IFT74: variants seen among roughly 807,000 people sequenced by gnomAD.
IFT74 encodes intraflagellar transport protein 74 homolog.
Under a neutral mutation model 96.7 loss-of-function variants are expected in IFT74, and 92 were observed. The ratio of observed to expected loss-of-function variants is 0.95; its 90% confidence interval spans 0.80 to 1.13. The LOEUF (loss-of-function observed/expected upper bound fraction) is 1.13. Ranked by LOEUF, IFT74 falls within the 50% of genes most tolerant of loss-of-function variation. The pLI, the probability that IFT74 is intolerant of heterozygous loss-of-function variation, is 0.00. For synonymous variants in IFT74, 223 were observed against 213.2 expected (o/e 1.05, Z -0.40); for missense variants, 811 against 698.2 (o/e 1.16, Z -1.82).
At chr9:26,955,522 C>A (rs1052421022), upstream of IFT74, among the ~76,000 whole-genome samples, 1 of 151,926 alleles carries the variant, frequency 6.6e-6, no homozygotes, top group Non-Finnish European at 1.5e-5. Context: ...TGTTGGGGGG[C>A]AGGGTAAGGG....
chr9:26,983,311 C>T (rs1168857394), intron 4 of IFT74, among the ~76,000 whole-genome samples: 2 of 152,192 alleles, frequency 1.3e-5, no homozygotes, highest in African/African-American at 4.8e-5. Flanking sequence ...GATTGCATTG[C>T]CTTTCTCCCC....
chr9:26,977,088 A>G (rs531352997), intron 2 of IFT74, among the ~76,000 whole-genome samples: 5 of 152,320 alleles, frequency 3.3e-5, no homozygotes, highest in South Asian at 2.1e-4. Flanking sequence ...CTATAATATC[A>G]TTATCGATCA....
At chr9:27,021,483 A>G (rs1232461900) in intron 12 of IFT74, among the ~76,000 whole-genome samples, 1 of 152,140 alleles carries the variant, frequency 6.6e-6, no homozygotes, top group African/African-American at 2.4e-5. Flanking sequence ...CACCACATCC[A>G]CACCAACATC....
At chr9:27,034,913 C>G (rs1819098808) in intron 13 of IFT74, among the ~76,000 whole-genome samples, 1 of 152,128 alleles carries the variant, frequency 6.6e-6, no homozygotes, top group Non-Finnish European at 1.5e-5. Context: ...CTTGGACATG[C>G]TATTTATGCT....
chr9:26,989,778 TA>T (rs749413084), intron 7 of IFT74, among the ~76,000 whole-genome samples: 1 of 152,110 alleles, frequency 6.6e-6, no homozygotes, highest in Non-Finnish European at 1.5e-5. Flanking sequence ...GGTTCAGGAA[TA>T]AAACTTGTGG....
intron 16 of IFT74, among the ~76,000 whole-genome samples, chr9:27,050,266 C>T (rs1330527963): frequency 1.3e-5 from 2 of 152,152 alleles, no homozygotes; most frequent in African/African-American, 4.8e-5. Flanking sequence ...ACCATGTTTT[C>T]CAGGCTTGTC....
chr9:26,969,861 C>A (rs1826809487), intron 2 of IFT74, among the ~76,000 whole-genome samples: 1 of 152,072 alleles, frequency 6.6e-6, no homozygotes. Flanking sequence ...GTGACACATT[C>A]CCTCAGCATT....
chr9:26,959,809 A>G (rs1826274014), intron 1 of IFT74, among the ~76,000 whole-genome samples: 1 of 152,202 alleles, frequency 6.6e-6, no homozygotes, highest in South Asian at 2.1e-4. Context: ...CAAGTAGAGA[A>G]GTATCTTAAC....
Position 27,060,641 on chromosome 9 carries a change from G to T in IFT74, c.1674G>T (p.Ala558=). The T allele has an allele frequency of 6.3e-7, 1 of 1,599,302 alleles. No individual in the cohort carries two copies. Among genetic ancestry groups the T allele is most frequent in the African/African-American group, 1.3e-5 (1 of 74,444 alleles). The change falls in exon 19 of 20, where the codon GCG becomes GCT. Residue 558 remains alanine, a synonymous_variant. Coordinates refer to ENST00000380062, the MANE Select transcript of IFT74 (RefSeq NM_025103.4). ...AACACCTTGAGCAAAATAATTTTGC[G>T]ATGAAAGAATGTATCCTTTAAAAAG... ...KWQHLEQNNF[A]MKEFIATKSQ...
chr9:26,959,688 T>G (rs1252642712), intron 1 of IFT74, among the ~76,000 whole-genome samples: 1 of 152,132 alleles, frequency 6.6e-6, no homozygotes, highest in Non-Finnish European at 1.5e-5. Context: ...TAGAGAAGTT[T>G]ATGTGCCCCA....
Position 27,004,126 on chromosome 9 carries a change from G to A in IFT74, c.588-4894G>A, listed in dbSNP as rs116948667. Among the ~76,000 whole-genome samples, 73 of 152,278 alleles carry A rather than the reference G, an allele frequency of 4.8e-4. 1 individual carries two copies. The highest frequency in any genetic ancestry group is 6.8e-3 in the Middle Eastern group (2 of 294). On this transcript the variant is annotated intron_variant, in intron 8 of 19. Coordinates refer to ENST00000380062, the MANE Select transcript of IFT74 (RefSeq NM_025103.4). ...AGTTAAAAGTTGATATGAAATAGAA[G>A]CAGGTGAAAAAAGTAATGGAGGCAA... is the stretch of plus-strand genomic sequence containing the variant.
intron 4 of IFT74, 183 bp from the exon 5 acceptor site, chr9:26,984,074 G>A (rs1827518698): frequency 4.8e-6 from 2 of 419,686 alleles, no homozygotes; most frequent in Non-Finnish European, 8.1e-6. Context: ...TTGACCCACC[G>A]CACCCAGCCA....
chr9:27,054,779 C>A (rs1315538626), intron 16 of IFT74, among the ~76,000 whole-genome samples: 1 of 152,152 alleles, frequency 6.6e-6, no homozygotes, highest in East Asian at 1.9e-4. Flanking sequence ...AGTTCTCATA[C>A]TATAAAGAGG....
intron 16 of IFT74, among the ~76,000 whole-genome samples, chr9:27,049,044 G>A (rs907152478): frequency 1.3e-5 from 2 of 151,978 alleles, no homozygotes; most frequent in Non-Finnish European, 2.9e-5. Context: ...CGCAAGATCT[G>A]GTTGTTTAAA....
chr9:26,998,672 T>C (rs1017727224), intron 8 of IFT74, among the ~76,000 whole-genome samples: 14 of 152,174 alleles, frequency 9.2e-5, no homozygotes, highest in African/African-American at 3.4e-4. Flanking sequence ...AACAACATTA[T>C]ACCTAGGGCT....
At chr9:26,992,981 T>C (rs918463272) in intron 8 of IFT74, among the ~76,000 whole-genome samples, 12 of 152,236 alleles carry the variant, frequency 7.9e-5, no homozygotes, top group Non-Finnish European at 1.5e-4. Context: ...ACAGCCTCAA[T>C]ATATTACAAC....
At chr9:27,058,841 A>G (rs147365934) in intron 18 of IFT74, among the ~76,000 whole-genome samples, 18 of 152,224 alleles carry the variant, frequency 1.2e-4, no homozygotes, top group Non-Finnish European at 1.6e-4. Context: ...ACATAATTCA[A>G]ATTTACCAGT....
At chr9:27,029,814 G>A (rs1021787100) in intron 13 of IFT74, among the ~76,000 whole-genome samples, 10 of 152,134 alleles carry the variant, frequency 6.6e-5, no homozygotes, top group South Asian at 2.1e-4. Context: ...AACTGGTAGC[G>A]TTAGAGGGGA....
chr9:26,962,238 G>A (rs1222485198), intron 2 of IFT74, 151 bp downstream of exon 2: 6 of 637,338 alleles, frequency 9.4e-6, no homozygotes, highest in African/African-American at 3.7e-5. Context: ...TTGAATGCTT[G>A]TGCATATATT....
Sources: gnomAD v4.1 joint callset for allele counts (sites outside exome capture counted in the v4.1 genomes callset) on GRCh38, gnomAD v4.1.1 for gene constraint, MANE v1.5 for transcripts, NCBI Gene and HGNC (gene_info 2026-07-23, HGNC 2026-07-21) for gene names.